The following BTBD7 variants were observed in gnomAD, a reference collection of about 807,000 sequenced individuals.
BTBD7 encodes BTB/POZ domain-containing protein 7.
Under a neutral mutation model 99.9 loss-of-function variants are expected in BTBD7, and 38 were observed. The ratio of observed to expected loss-of-function variants is 0.38; its 90% confidence interval spans 0.29 to 0.50. BTBD7 has a LOEUF of 0.50. Among genes scored for constraint, BTBD7 ranks in the 20% least tolerant of loss-of-function variants. The probability of loss-of-function intolerance (pLI) is 0.93; values close to 1 mark genes in which losing one functional copy is unlikely to be tolerated. For synonymous variants in BTBD7, 520 were observed against 511.4 expected, an observed-to-expected ratio of 1.02 and a Z score of -0.23; for missense variants, 1,170 against 1,394.6, an observed-to-expected ratio of 0.84 and a Z score of 2.57.
chr14:93,290,812 T>G (rs1201296668), intron 3 of BTBD7, among the ~76,000 whole-genome samples: 1 of 152,086 alleles, frequency 6.6e-6, no homozygotes, highest in Non-Finnish European at 1.5e-5. Context: ...TGCCTCAGCC[T>G]ACCTGGGACT....
At chr14:93,293,837 T>A (rs762451820) in intron 3 of BTBD7, 21 bp downstream of exon 3, 12 of 1,577,972 alleles carry the variant, frequency 7.6e-6, no homozygotes, top group Admixed American at 1.9e-5. Flanking sequence ...TAAATCAGAA[T>A]TAAAAACCAG....
intron 1 of BTBD7, among the ~76,000 whole-genome samples, chr14:93,297,696 T>G (rs1443216526): frequency 2.6e-5 from 4 of 152,214 alleles, no homozygotes; most frequent in African/African-American, 9.6e-5. Flanking sequence ...CTTATCAGGC[T>G]TTTATAGTGG....
At position 93,246,198 on chromosome 14, in the gene BTBD7, C is replaced by G; in HGVS notation, c.2210G>C (p.Ser737Thr). 1 of 1,611,406 alleles carries G rather than the reference C, an allele frequency of 6.2e-7. No homozygotes were observed. The highest frequency in any genetic ancestry group is 1.1e-5 in the South Asian group (1 of 90,688). Residue 737 changes from serine (S) to threonine (T), a missense_variant, in exon 10 of 11, where the codon AGT (serine) becomes ACT (threonine). Ser to Thr is a moderately conservative substitution (Grantham distance 58). Coordinates refer to ENST00000334746, the MANE Select transcript of BTBD7 (RefSeq NM_001002860.4). ...MRQPGRCRVNSTPPAETMFTD... is the reference protein window; with the variant it reads ...MRQPGRCRVNTTPPAETMFTD... ...AAACATGGTTTCTGCAGGAGGTGTA[C>G]TGTTTACGCGACATCTCCCAGGCTG...
At chr14:93,268,275 G>A (rs1272242719) in intron 3 of BTBD7, among the ~76,000 whole-genome samples, 1 of 152,104 alleles carries the variant, frequency 6.6e-6, no homozygotes, top group Non-Finnish European at 1.5e-5. Context: ...CTTAGGTCAG[G>A]TGTTCCTCCT....
intron 3 of BTBD7, among the ~76,000 whole-genome samples, chr14:93,266,073 G>C (rs2052538974): frequency 6.6e-6 from 1 of 152,006 alleles, no homozygotes; most frequent in Admixed American, 6.6e-5. Context: ...AAATGAAGCT[G>C]AAATATAACT....
At chr14:93,250,350 C>T (rs1378321497) in intron 8 of BTBD7, among the ~76,000 whole-genome samples, 2 of 152,188 alleles carry the variant, frequency 1.3e-5, no homozygotes, top group Non-Finnish European at 2.9e-5. Context: ...GCCTAAAAAG[C>T]CAGGCTAATT....
rs367904111 is a variant in BTBD7, at chr14:93,246,013, G to A, written c.2395C>T (p.His799Tyr). ...PSRSFSYPCN[H>Y]SLFHSRTAPK... ...GCTGTTCTGGAGTGGAACAGCGAAT[G>A]ATTACAGGGATAAGAAAATGAACGT... The change falls in exon 10 of 11, where the codon CAT becomes TAT. Residue 799 changes from histidine to tyrosine, a missense_variant. Physicochemically the swap from His to Tyr is moderately conservative, Grantham distance 83 (BLOSUM62 2). This residue lies in a region of BTBD7 where 495 missense variants were observed against 525.9 expected (regional missense o/e 0.94). Coordinates refer to ENST00000334746, the MANE Select transcript of BTBD7 (RefSeq NM_001002860.4). 273 of 1,613,820 alleles carry A rather than the reference G, an allele frequency of 1.7e-4. No homozygotes were observed. The highest frequency in any genetic ancestry group is 2.2e-4 in the Non-Finnish European group (262 of 1,179,998).
intron 1 of BTBD7, among the ~76,000 whole-genome samples, chr14:93,317,834 G>C (rs1212438734): frequency 1.3e-5 from 2 of 152,186 alleles, no homozygotes; most frequent in African/African-American, 4.8e-5. Flanking sequence ...TGGGAGCTTG[G>C]AATTTGGTAC....
chr14:93,282,855 T>C lies in BTBD7; in HGVS notation c.1162+11003A>G, dbSNP rs577851863. ...TGGGAGGCATCACACCTGGCCTCAA[T>C]TGATGTTAATTATTCTATTTTACTT... On this transcript the variant is annotated intron_variant, in intron 3 of 10. Coordinates refer to ENST00000334746, the MANE Select transcript of BTBD7 (RefSeq NM_001002860.4). Among the ~76,000 whole-genome samples the C allele has an allele frequency of 1.5e-4, 23 of 152,292 alleles. 1 individual carries two copies. Among genetic ancestry groups the C allele is most frequent in the African/African-American group, 4.1e-4 (17 of 41,566 alleles).
intron 1 of BTBD7, among the ~76,000 whole-genome samples, chr14:93,302,884 G>T (rs957670190): frequency 6.6e-6 from 1 of 151,944 alleles, no homozygotes; most frequent in Admixed American, 6.6e-5. Flanking sequence ...AAAGTGGTGT[G>T]TGCCTGTAGT....
At position 93,241,025 on chromosome 14, in the gene BTBD7, C is replaced by T. The variant is rs1181991213; in HGVS notation, c.*1248G>A. ...GACTGAAGCCCTTTTGTTTTTTTCC[C>T]ATAGAGAGCAAGACAATTAAAGGCA... On this transcript the variant is annotated 3_prime_UTR_variant, in exon 11 of 11. Transcript: ENST00000334746. 6.6e-6 allele frequency: 1 copy of T among 152,118 alleles called. No individual in the cohort carries two copies. Among genetic ancestry groups the T allele is most frequent in the Non-Finnish European group, 1.5e-5 (1 of 68,026 alleles). The allele number at this position is 152,118 out of a possible 1,614,324, so 9.4% of individuals were successfully genotyped here.
At chr14:93,329,277 C>G (rs1027086349) in intron 1 of BTBD7, among the ~76,000 whole-genome samples, 1 of 151,888 alleles carries the variant, frequency 6.6e-6, no homozygotes, top group Non-Finnish European at 1.5e-5. Flanking sequence ...TGCTTAACAT[C>G]ACCAATCATT....
At position 93,274,588 on chromosome 14, in the gene BTBD7, T is replaced by C. The variant is rs117582198; in HGVS notation, c.1163-10595A>G. The stretch of plus-strand genomic sequence containing the variant: ...GCTCATCAGTGAGTTCCAGTAGGAT[T>C]ATGCCTGATTGACCACAGCAGTGAT... On this transcript the variant is annotated intron_variant, in intron 3 of 10. Coordinates refer to ENST00000334746, the MANE Select transcript of BTBD7 (RefSeq NM_001002860.4). Among the ~76,000 whole-genome samples, 321 of 152,346 alleles carry C rather than the reference T, an allele frequency of 2.1e-3. 5 individuals are homozygous for C. In the East Asian group the frequency reaches 0.023, roughly 11 times the overall value.
At chr14:93,284,587 G>C (rs985450369) in intron 3 of BTBD7, among the ~76,000 whole-genome samples, 2 of 151,960 alleles carry the variant, frequency 1.3e-5, no homozygotes, top group Non-Finnish European at 2.9e-5. Context: ...AGATGACCAA[G>C]ATTTTGATAC....
chr14:93,329,053 G>A lies in BTBD7; in HGVS notation c.-107+3767C>T, dbSNP rs560185694. ...CTGGATTTCATCAAAATTAAAAACT[G>A]TGTGTACATCAAAGGACGCTATCAA... On this transcript the variant is annotated intron_variant, in intron 1 of 10. Coordinates refer to ENST00000334746, the MANE Select transcript of BTBD7 (RefSeq NM_001002860.4). 3.3e-5 allele frequency among the ~76,000 whole-genome samples: 5 copies of A among 152,164 alleles called. No homozygotes were observed. In the South Asian group the frequency reaches 1.0e-3, roughly 32 times the overall value.
At chr14:93,254,277 TA>T (rs1472520867) in intron 6 of BTBD7, among the ~76,000 whole-genome samples, 1 of 152,144 alleles carries the variant, frequency 6.6e-6, no homozygotes, top group Non-Finnish European at 1.5e-5. Flanking sequence ...AGATTTTCAA[TA>T]AAAAGATACC....
At chr14:93,262,903 C>CA (rs1211160746) in intron 4 of BTBD7, among the ~76,000 whole-genome samples, 6 of 146,216 alleles carry the variant, frequency 4.1e-5, no homozygotes, top group Admixed American at 4.0e-4. Flanking sequence ...GACAATGAGA[C>CA]AAGGTTAATG....
chr14:93,267,740 C>G (rs2052557246), intron 3 of BTBD7, among the ~76,000 whole-genome samples: 1 of 152,190 alleles, frequency 6.6e-6, no homozygotes, highest in Non-Finnish European at 1.5e-5. Context: ...TGCCCATATC[C>G]AATCTATCAC....
At chr14:93,321,284 T>C (rs980920223) in intron 1 of BTBD7, among the ~76,000 whole-genome samples, 3 of 152,166 alleles carry the variant, frequency 2.0e-5, no homozygotes, top group Admixed American at 6.5e-5. Context: ...AAGACAGGCA[T>C]AATTTTTCCT....
Sources: allele counts gnomAD v4.1 joint callset (sites outside exome capture counted in the v4.1 genomes callset), GRCh38; gene constraint gnomAD v4.1.1; regional missense constraint gnomAD v4.1.1; transcripts MANE v1.5; gene names NCBI Gene and HGNC (gene_info 2026-07-23, HGNC 2026-07-21).